The following GRIK4 variants were observed in gnomAD, a reference collection of about 807,000 sequenced individuals.
GRIK4 encodes the protein glutamate ionotropic receptor kainate type subunit 4.
GRIK4 carries 40 observed loss-of-function variants against 104.9 expected under a neutral mutation model. The observed-to-expected ratio is 0.38, with a 90% CI of 0.30 to 0.50. GRIK4 has a LOEUF of 0.50. Among genes scored for constraint, GRIK4 ranks in the 20% least tolerant of loss-of-function variants. The pLI, the probability that GRIK4 is intolerant of heterozygous loss-of-function variation, is 0.93. For synonymous variants in GRIK4, 485 were observed against 524.9 expected, an observed-to-expected ratio of 0.92 and a Z score of 1.04; for missense variants, 1,047 against 1,308.1, an observed-to-expected ratio of 0.80 and a Z score of 3.08.
At chr11:120,521,632 C>T (rs950601437) in intron 1 of GRIK4, among the ~76,000 whole-genome samples, 6 of 152,128 alleles carry the variant, frequency 3.9e-5, no homozygotes, top group Non-Finnish European at 8.8e-5. Context: ...CCAGTTTGTG[C>T]GGTGGTAGAG....
At chr11:120,795,775 T>C (rs1408690388) in intron 3 of GRIK4, among the ~76,000 whole-genome samples, 1 of 152,158 alleles carries the variant, frequency 6.6e-6, no homozygotes, top group South Asian at 2.1e-4. Context: ...TTTTTTTAAG[T>C]ACAGCCATCT....
At chr11:120,896,010 G>A (rs531684086) in intron 11 of GRIK4, among the ~76,000 whole-genome samples, 2 of 152,162 alleles carry the variant, frequency 1.3e-5, no homozygotes, top group East Asian at 1.9e-4. Context: ...AGTGCCTTCC[G>A]CCCTAGCCTC....
chr11:120,895,202 G>GAC (rs1313566473), intron 11 of GRIK4, among the ~76,000 whole-genome samples: 1 of 152,126 alleles, frequency 6.6e-6, no homozygotes, highest in African/African-American at 2.4e-5. Context: ...AGTGATTGGT[G>GAC]AGGATTAGAT....
At chr11:120,781,740 G>A (rs1397322487) in intron 3 of GRIK4, among the ~76,000 whole-genome samples, 2 of 152,180 alleles carry the variant, frequency 1.3e-5, no homozygotes, top group Admixed American at 6.5e-5. Context: ...CTGGCAGTGC[G>A]TGAGGGTGGT....
intron 1 of GRIK4, among the ~76,000 whole-genome samples, chr11:120,627,331 C>G (rs78495241): frequency 0.022 from 3,401 of 152,354 alleles, 55 homozygotes; most frequent in Middle Eastern, 0.041. Context: ...AAAGGAGAAG[C>G]CACACAGCGC....
Position 120,862,395 on chromosome 11 carries a change from C to T in GRIK4, c.906+275C>T. ...CCCTGTGGCCAGACTCTCAATAATACAATTGCCGAGAGCTGCCTGAGTTTA... is the reference window on the plus strand; with the variant it reads ...CCCTGTGGCCAGACTCTCAATAATATAATTGCCGAGAGCTGCCTGAGTTTA... On this transcript the variant is annotated intron_variant, in intron 9 of 20. Coordinates refer to ENST00000527524, the MANE Select transcript of GRIK4 (RefSeq NM_014619.5). 3 of 331,844 alleles carry T rather than the reference C, an allele frequency of 9.0e-6. 1 individual carries two copies. The South Asian group carries it at 3.0e-4, about 34-fold the overall frequency. The allele number at this position is 331,844 out of a possible 1,614,324, so 20.6% of individuals were successfully genotyped here. A position where few individuals can be genotyped will look rare whatever the true frequency, so the allele number is the denominator to read the frequency against.
At chr11:120,826,677 A>G (rs1375026492) in intron 6 of GRIK4, among the ~76,000 whole-genome samples, 1 of 152,184 alleles carries the variant, frequency 6.6e-6, no homozygotes, top group Non-Finnish European at 1.5e-5. Flanking sequence ...ATGGCCAAAC[A>G]CGGCCACCTA....
At chr11:120,761,874 A>G (rs1727804442) in intron 3 of GRIK4, among the ~76,000 whole-genome samples, 1 of 152,194 alleles carries the variant, frequency 6.6e-6, no homozygotes, top group Non-Finnish European at 1.5e-5. Context: ...GTTTGAAGTC[A>G]GGTAGCATGA....
chr11:120,892,753 CA>C (rs575286578), intron 11 of GRIK4, among the ~76,000 whole-genome samples: 21 of 152,304 alleles, frequency 1.4e-4, no homozygotes, highest in Non-Finnish European at 2.9e-4. Flanking sequence ...GTTGTACAGT[CA>C]TCTCCTTTCC....
Position 120,967,725 on chromosome 11 carries a change from C to T in GRIK4, c.2395+402C>T, listed in dbSNP as rs1046860967. 1.3e-5 allele frequency among the ~76,000 whole-genome samples: 2 copies of T among 152,152 alleles called. No individual in the cohort carries two copies. The highest frequency in any genetic ancestry group is 1.9e-4 in the East Asian group (1 of 5,182). On this transcript the variant is annotated intron_variant, in intron 19 of 20. Transcript: ENST00000527524. This position sits in a 1 kb window ranked among gnomAD's most constrained non-coding sequence, Gnocchi z 4.2. ...GTGATCCTTTTTAAAAATGCAAACT[C>T]GATGGCAGCATTCCCCCCACAAACC...
chr11:120,886,403 T>C (rs1955120656), intron 11 of GRIK4, among the ~76,000 whole-genome samples: 1 of 152,242 alleles, frequency 6.6e-6, no homozygotes, highest in Admixed American at 6.5e-5. Context: ...ACCAGTGATA[T>C]GCCTTCCAGA....
intron 1 of GRIK4, among the ~76,000 whole-genome samples, chr11:120,559,214 G>C (rs1280162085): frequency 6.6e-6 from 1 of 152,224 alleles, no homozygotes; most frequent in Non-Finnish European, 1.5e-5. Context: ...AGGAGCTGGG[G>C]AAGTGAGATC....
intron 7 of GRIK4, among the ~76,000 whole-genome samples, chr11:120,834,981 G>A (rs747585541): frequency 3.3e-5 from 5 of 152,212 alleles, no homozygotes; most frequent in Non-Finnish European, 2.9e-5. Flanking sequence ...TACTTGGACA[G>A]TGTGATTGTG....
chr11:120,601,225 G>A (rs1948882079), intron 1 of GRIK4, among the ~76,000 whole-genome samples: 1 of 152,114 alleles, frequency 6.6e-6, no homozygotes, highest in Non-Finnish European at 1.5e-5. Context: ...GGCCAATATG[G>A]TGAAACCTCA....
intron 13 of GRIK4, among the ~76,000 whole-genome samples, chr11:120,914,440 G>A (rs979166621): frequency 6.6e-6 from 1 of 152,208 alleles, no homozygotes; most frequent in African/African-American, 2.4e-5. Context: ...AGTAGTGAGT[G>A]GCAGGGGTGG....
At chr11:120,527,575 G>A (rs771756241) in intron 1 of GRIK4, among the ~76,000 whole-genome samples, 1 of 152,222 alleles carries the variant, frequency 6.6e-6, no homozygotes, top group Non-Finnish European at 1.5e-5. Flanking sequence ...ACTCGCACCT[G>A]CATCCTCCAG....
intron 13 of GRIK4, among the ~76,000 whole-genome samples, chr11:120,915,745 C>T (rs1943092450): frequency 6.6e-6 from 1 of 152,166 alleles, no homozygotes; most frequent in Non-Finnish European, 1.5e-5. Context: ...GGAGTAGAAG[C>T]AGGGTGCTAT....
chr11:120,516,867 C>T (rs1208061516), intron 1 of GRIK4, among the ~76,000 whole-genome samples: 2 of 152,034 alleles, frequency 1.3e-5, no homozygotes, highest in South Asian at 2.1e-4. Flanking sequence ...TGCCTGGATG[C>T]GCTGTGCCTG....
rs1953040652 is a variant in GRIK4 at position 120,819,235 on chromosome 11, T to TTCAGTGG, written c.346-520_346-519insTCAGTGG. 6.6e-6 allele frequency among the ~76,000 whole-genome samples: 1 copy of TTCAGTGG among 152,204 alleles called. No individual in the cohort carries two copies. The highest frequency in any genetic ancestry group is 6.5e-5 in the Admixed American group (1 of 15,268). Reference sequence around the variant, plus strand: ...CCATCCCCGCCCCACTTCCTCTCCCTGGGCATTCCCCACTGAAGTTTGTTG... The same window carrying TTCAGTGG: ...CCATCCCCGCCCCACTTCCTCTCCCTTCAGTGGGGGCATTCCCCACTGAAGTTTGTTG... On this transcript the variant is annotated intron_variant, in intron 5 of 20. Transcript: ENST00000527524. This position sits in a 1 kb window ranked among gnomAD's most constrained non-coding sequence, Gnocchi z 4.3.
Sources: allele counts gnomAD v4.1 joint callset (sites outside exome capture counted in the v4.1 genomes callset), GRCh38; gene constraint gnomAD v4.1.1; non-coding constraint Gnocchi (gnomAD v3.1); transcripts MANE v1.5; gene names NCBI Gene and HGNC (gene_info 2026-07-23, HGNC 2026-07-21).